Variants in ELF1 observed in about 807,000 individuals in gnomAD.
ELF1 encodes E74 like ETS transcription factor 1, also known as ETS-related transcription factor Elf-1.
ELF1 carries 24 observed loss-of-function variants against 59.9 expected under a neutral mutation model. The observed-to-expected ratio is 0.40, with a 90% CI of 0.29 to 0.56. The LOEUF (loss-of-function observed/expected upper bound fraction) is 0.56, where lower values mean the gene tolerates loss of function less well. ELF1 is among the 20% of genes least tolerant of loss of function. ELF1 has a pLI of 0.44. For synonymous variants in ELF1, 248 were observed against 266.2 expected (o/e 0.93, Z 0.67); for missense variants, 627 against 742.2 (o/e 0.84, Z 1.80).
At chr13:40,943,283 T>C (rs1021731601) in intron 6 of ELF1, 139 bp from the exon 7 acceptor site, 2 of 731,448 alleles carry the variant, frequency 2.7e-6, no homozygotes, top group Admixed American at 3.5e-5. Context: ...GGTGACATAA[T>C]TTAGTTAGTA....
At chr13:40,985,031 C>T (rs1025213284) in intron 1 of ELF1, among the ~76,000 whole-genome samples, 4 of 152,148 alleles carry the variant, frequency 2.6e-5, no homozygotes, top group Non-Finnish European at 5.9e-5. Flanking sequence ...AATCACTAAG[C>T]CACTTATTGC....
At chr13:40,979,504 AG>A (rs1873132926) in intron 2 of ELF1, among the ~76,000 whole-genome samples, 1 of 152,240 alleles carries the variant, frequency 6.6e-6, no homozygotes, top group Non-Finnish European at 1.5e-5. Flanking sequence ...ACTACTAGGT[AG>A]ATCTACTGCC....
rs1245183016 is a variant in ELF1, at chr13:40,958,920, G to C, written c.169C>G (p.Pro57Ala). 6.2e-7 allele frequency: 1 copy of C among 1,614,020 alleles called. No individual in the cohort carries two copies. The highest frequency in any genetic ancestry group is 1.7e-5 in the Admixed American group (1 of 59,964). Residue 57 changes from proline to alanine, a missense_variant, in exon 3 of 9, where the codon CCC becomes GCC. By Grantham distance (27) the Pro-to-Ala change is conservative. Transcript: ENST00000239882. ...GAACTCTCAGTAATCATGTCATTGGGCTCTTCCACACAGGCTAGACCGGCA... is the reference window on the plus strand; with the variant it reads ...GAACTCTCAGTAATCATGTCATTGGCCTCTTCCACACAGGCTAGACCGGCA... ...SYAGLACVEE[P>A]NDMITESSLD... is the part of the protein sequence containing the mutation.
intron 1 of ELF1, among the ~76,000 whole-genome samples, chr13:41,044,610 T>C (rs1350055670): frequency 2.0e-5 from 3 of 152,220 alleles, no homozygotes; most frequent in Non-Finnish European, 4.4e-5. Flanking sequence ...GATTTGCTTA[T>C]GTTGAACCAG....
exon 1 of ELF1, chr13:41,060,927 GC>G (rs1877564827): frequency 2.8e-6 from 1 of 362,166 alleles, no homozygotes; most frequent in Non-Finnish European, 5.6e-6. Context: ...CGCCGCCGCC[GC>G]CGCCGCCGCC....
At chr13:41,013,935 T>C (rs1381007657) in intron 1 of ELF1, among the ~76,000 whole-genome samples, 1 of 151,964 alleles carries the variant, frequency 6.6e-6, no homozygotes, top group Non-Finnish European at 1.5e-5. Context: ...GAAACTAATT[T>C]TCTTTAATTA....
chr13:41,042,947 C>A (rs1876682777), intron 1 of ELF1, among the ~76,000 whole-genome samples: 1 of 152,174 alleles, frequency 6.6e-6, no homozygotes, highest in Admixed American at 6.5e-5. Context: ...TCCTATTTCT[C>A]CACATCCTCT....
At chr13:40,959,527 G>T (rs1658640939) in intron 2 of ELF1, among the ~76,000 whole-genome samples, 1 of 151,866 alleles carries the variant, frequency 6.6e-6, no homozygotes, top group South Asian at 2.1e-4. Context: ...ATAATAATAA[G>T]ATGCCATTAA....
At chr13:41,018,117 T>G (rs1019334296) in intron 1 of ELF1, among the ~76,000 whole-genome samples, 1 of 152,262 alleles carries the variant, frequency 6.6e-6, no homozygotes, top group Non-Finnish European at 1.5e-5. Flanking sequence ...AATATCATTT[T>G]GGTCAACAAG....
chr13:41,042,993 A>G (rs918969125), intron 1 of ELF1, among the ~76,000 whole-genome samples: 53 of 152,322 alleles, frequency 3.5e-4, no homozygotes, highest in African/African-American at 1.2e-3. Context: ...AATGATTGCC[A>G]TTCTAACTGG....
chr13:40,954,519 T>C (rs907981218), intron 3 of ELF1, among the ~76,000 whole-genome samples: 4 of 151,762 alleles, frequency 2.6e-5, no homozygotes, highest in African/African-American at 7.2e-5. Context: ...ACTGTACTGC[T>C]GCCATCTCGG....
chr13:41,052,589 G>A (rs1234098615), intron 1 of ELF1, among the ~76,000 whole-genome samples: 2 of 151,998 alleles, frequency 1.3e-5, no homozygotes, highest in East Asian at 1.9e-4. Context: ...AGTCGCTCAC[G>A]CCTGTAATCC....
At chr13:41,060,421 C>T (rs1007905118) in intron 1 of ELF1, among the ~76,000 whole-genome samples, 1 of 152,174 alleles carries the variant, frequency 6.6e-6, no homozygotes, top group Non-Finnish European at 1.5e-5. Flanking sequence ...TCATCACCTC[C>T]CGGGCGTCTG....
chr13:41,006,841 T>C (rs1874789388), intron 1 of ELF1, among the ~76,000 whole-genome samples: 1 of 152,212 alleles, frequency 6.6e-6, no homozygotes. Flanking sequence ...ATCTTAATGG[T>C]ATTTTTCCTT....
chr13:41,037,269 T>G (rs1794161145), intron 1 of ELF1, among the ~76,000 whole-genome samples: 1 of 152,180 alleles, frequency 6.6e-6, no homozygotes, highest in African/African-American at 2.4e-5. Flanking sequence ...CTGAAGGCGA[T>G]TAAGCCTTTA....
At chr13:41,045,752 T>G (rs1876816758) in intron 1 of ELF1, among the ~76,000 whole-genome samples, 1 of 152,224 alleles carries the variant, frequency 6.6e-6, no homozygotes, top group South Asian at 2.1e-4. Flanking sequence ...AGAATGTATA[T>G]TCTGTTGATT....
chr13:40,939,489 C>T (rs9315794), intron 8 of ELF1, among the ~76,000 whole-genome samples: 79,816 of 151,864 alleles, frequency 0.53, 24,624 homozygotes, highest in Non-Finnish European at 0.68. Flanking sequence ...CTCCTATCAA[C>T]ACAAATACAA....
chr13:41,060,345 G>A (rs975334554), intron 1 of ELF1, among the ~76,000 whole-genome samples: 7 of 152,254 alleles, frequency 4.6e-5, no homozygotes, highest in African/African-American at 1.7e-4. Flanking sequence ...AGAGTCGCAA[G>A]AGCGGCTGAA....
chr13:40,946,454 A>T (rs939657568), intron 5 of ELF1, among the ~76,000 whole-genome samples: 2 of 152,202 alleles, frequency 1.3e-5, no homozygotes, highest in African/African-American at 4.8e-5. Flanking sequence ...TCCTGTCATT[A>T]TAGATTAGTT....
Sources: allele counts gnomAD v4.1 joint callset (sites outside exome capture counted in the v4.1 genomes callset), GRCh38; gene constraint gnomAD v4.1.1; transcripts MANE v1.5; gene names NCBI Gene and HGNC (gene_info 2026-07-23, HGNC 2026-07-21).